R3HDM2: variants seen among roughly 807,000 people sequenced by gnomAD.
R3HDM2 encodes R3H domain-containing protein 2.
In R3HDM2, 38 loss-of-function variants were observed where a neutral mutation model predicts 124.5. The observed-to-expected ratio is 0.31, with a 90% confidence interval of 0.24 to 0.40. The LOEUF (loss-of-function observed/expected upper bound fraction) is 0.40. Among genes scored for constraint, R3HDM2 ranks in the 10% least tolerant of loss-of-function variants. The pLI is 1.00. For missense variants in R3HDM2, 869 were observed against 1,236.9 expected, an observed-to-expected ratio of 0.70 and a Z score of 4.46; for synonymous variants, 391 against 448.0, an observed-to-expected ratio of 0.87 and a Z score of 1.61.
At chr12:57,315,457 C>T (rs2054817076) in intron 2 of R3HDM2, among the ~76,000 whole-genome samples, 1 of 152,152 alleles carries the variant, frequency 6.6e-6, no homozygotes, top group African/African-American at 2.4e-5. Context: ...GATTACAGGC[C>T]TCAGCCACCG....
chr12:57,311,462 G>A (rs1288551991), intron 2 of R3HDM2, among the ~76,000 whole-genome samples: 9 of 151,938 alleles, frequency 5.9e-5, no homozygotes, highest in Non-Finnish European at 8.8e-5. Context: ...TCCTGATCTC[G>A]TGATCCGCCC....
intron 2 of R3HDM2, among the ~76,000 whole-genome samples, chr12:57,346,696 C>T (rs1162416847): frequency 6.6e-6 from 1 of 152,020 alleles, no homozygotes; most frequent in Non-Finnish European, 1.5e-5. Flanking sequence ...GATAATACAA[C>T]AAAATATGGA....
At chr12:57,373,010 A>G (rs1009308313) in intron 2 of R3HDM2, among the ~76,000 whole-genome samples, 12 of 152,212 alleles carry the variant, frequency 7.9e-5, no homozygotes, top group Admixed American at 7.2e-4. Flanking sequence ...GGAGATTGAT[A>G]CTAGCCTGGG....
chr12:57,350,539 C>T (rs562172412), intron 2 of R3HDM2, among the ~76,000 whole-genome samples: 3 of 152,144 alleles, frequency 2.0e-5, no homozygotes, highest in South Asian at 4.2e-4. Flanking sequence ...GAGGCTGAGA[C>T]GGGAGGATAC....
intron 1 of R3HDM2, among the ~76,000 whole-genome samples, chr12:57,421,846 C>T (rs2070231130): frequency 1.3e-5 from 2 of 152,048 alleles, no homozygotes; most frequent in African/African-American, 4.8e-5. Flanking sequence ...CCTGTAATCC[C>T]AGCACTCTGG....
At chr12:57,392,977 T>C (rs1187409626) in intron 2 of R3HDM2, among the ~76,000 whole-genome samples, 1 of 151,358 alleles carries the variant, frequency 6.6e-6, no homozygotes, top group Non-Finnish European at 1.5e-5. Flanking sequence ...GCTAATTTTT[T>C]GTATTTTTAG....
chr12:57,404,546 T>A (rs895495686), intron 1 of R3HDM2, among the ~76,000 whole-genome samples: 5 of 151,662 alleles, frequency 3.3e-5, no homozygotes, highest in African/African-American at 7.3e-5. Flanking sequence ...AAATAAAATT[T>A]AAAAAAATTA....
At chr12:57,327,774 T>C (rs1285652470) in intron 2 of R3HDM2, among the ~76,000 whole-genome samples, 2 of 152,170 alleles carry the variant, frequency 1.3e-5, no homozygotes, top group African/African-American at 4.8e-5. Context: ...TGTGACTGAA[T>C]TGCTGCAATC....
intron 14 of R3HDM2, among the ~76,000 whole-genome samples, chr12:57,273,615 C>T (rs951412146): frequency 5.3e-5 from 8 of 152,176 alleles, no homozygotes; most frequent in African/African-American, 1.9e-4. Context: ...CTCATCTAGG[C>T]TTACACAGTT....
At chr12:57,267,225 A>C (rs1464389699) in intron 18 of R3HDM2, among the ~76,000 whole-genome samples, 1 of 152,174 alleles carries the variant, frequency 6.6e-6, no homozygotes, top group Non-Finnish European at 1.5e-5. Flanking sequence ...TAAAAAAAAA[A>C]AACACAAAAA....
chr12:57,390,690 C>T (rs1201391275), intron 2 of R3HDM2, among the ~76,000 whole-genome samples: 7 of 150,478 alleles, frequency 4.7e-5, no homozygotes, highest in African/African-American at 1.2e-4. Flanking sequence ...GAGTGAAATC[C>T]GTCTCAAAAA....
intron 2 of R3HDM2, among the ~76,000 whole-genome samples, chr12:57,368,026 A>C (rs1258725189): frequency 6.6e-6 from 1 of 151,316 alleles, no homozygotes; most frequent in Non-Finnish European, 1.5e-5. Flanking sequence ...TGGTTCACAG[A>C]ACCGTGTTTC....
rs2050585291 is a variant in R3HDM2, at chr12:57,299,260, G to C, written c.421+92C>G. 2.2e-6 allele frequency: 3 copies of C among 1,355,508 alleles called. No individual in the cohort carries two copies. In the Admixed American group the frequency reaches 7.4e-5, roughly 33 times the overall value. 84.0% of individuals were successfully genotyped at this position (1,355,508 alleles called of 1,614,324 possible). ...CCAAGTTAGCAGAACACTACAAATT[G>C]ATGGGCCAGTAAGGCTGGCAGGTGC... On this transcript the variant is annotated intron_variant, in intron 6 of 23. Transcript: ENST00000402412.
intron 19 of R3HDM2, among the ~76,000 whole-genome samples, chr12:57,263,395 G>C (rs910670818): frequency 3.3e-5 from 5 of 152,194 alleles, no homozygotes; most frequent in Admixed American, 6.5e-5. Context: ...GAAACAGCCA[G>C]AGAGACCAAT....
intron 1 of R3HDM2, among the ~76,000 whole-genome samples, chr12:57,426,583 G>T (rs1012819528): frequency 2.6e-5 from 4 of 152,198 alleles, no homozygotes; most frequent in Non-Finnish European, 4.4e-5. Flanking sequence ...GAAGTAACGA[G>T]TGATATTTGT....
intron 17 of R3HDM2, 117 bp downstream of exon 17, chr12:57,268,805 A>T: frequency 7.7e-7 from 1 of 1,296,570 alleles, no homozygotes; most frequent in Non-Finnish European, 1.1e-6. Context: ...TAAAAATTCT[A>T]GGGGAAAGTA....
chr12:57,283,443 T>C (rs1184923108), intron 13 of R3HDM2, among the ~76,000 whole-genome samples: 1 of 152,182 alleles, frequency 6.6e-6, no homozygotes, highest in Non-Finnish European at 1.5e-5. Context: ...AATGTTTTAT[T>C]GAAAGTAAAT....
intron 2 of R3HDM2, among the ~76,000 whole-genome samples, chr12:57,344,903 C>G (rs1405758430): frequency 6.6e-6 from 1 of 151,914 alleles, no homozygotes; most frequent in East Asian, 1.9e-4. Context: ...CTCAGCTCAC[C>G]GCAACCTCCA....
chr12:57,383,903 T>A (rs1238322506), intron 2 of R3HDM2, among the ~76,000 whole-genome samples: 2 of 152,070 alleles, frequency 1.3e-5, no homozygotes, highest in Non-Finnish European at 2.9e-5. Flanking sequence ...TAAAATTCCC[T>A]GACAAACAAG....
Sources: gnomAD v4.1 joint callset for allele counts (sites outside exome capture counted in the v4.1 genomes callset) on GRCh38, gnomAD v4.1.1 for gene constraint, MANE v1.5 for transcripts, NCBI Gene and HGNC (gene_info 2026-07-23, HGNC 2026-07-21) for gene names.